The following SOX5 variants were observed in gnomAD, a reference collection of about 807,000 sequenced individuals.
SOX5 encodes the protein transcription factor SOX-5.
SOX5 carries 9 observed loss-of-function variants against 92.0 expected under a neutral mutation model. The observed-to-expected ratio is 0.10, with a 90% CI of 0.06 to 0.17. The LOEUF (loss-of-function observed/expected upper bound fraction) is 0.17. SOX5 is among the 10% of genes least tolerant of loss of function. The probability of loss-of-function intolerance (pLI) is 1.00; values close to 1 mark genes in which losing one functional copy is unlikely to be tolerated. For synonymous variants in SOX5, 344 were observed against 336.3 expected, an observed-to-expected ratio of 1.02 and a Z score of -0.25; for missense variants, 642 against 944.5, an observed-to-expected ratio of 0.68 and a Z score of 4.20.
At chr12:23,630,833 T>C (rs2078437869) in intron 8 of SOX5, among the ~76,000 whole-genome samples, 1 of 152,148 alleles carries the variant, frequency 6.6e-6, no homozygotes, top group African/African-American at 2.4e-5. Context: ...ATAACCATTA[T>C]GTTATACTGC....
intron 4 of SOX5, among the ~76,000 whole-genome samples, chr12:24,108,152 TTA>T (rs1254045823): frequency 1.3e-5 from 2 of 152,190 alleles, no homozygotes; most frequent in African/African-American, 4.8e-5. Context: ...TTGCATTACA[TTA>T]TCTTTTGCCT....
intron 1 of SOX5, among the ~76,000 whole-genome samples, chr12:24,489,551 A>ATAAGGCC (rs1485603537): frequency 2.6e-5 from 4 of 152,128 alleles, no homozygotes; most frequent in Admixed American, 6.5e-5. Context: ...AGAGAAGGAG[A>ATAAGGCC]TAAGGCCTAC....
At chr12:23,596,490 G>A (rs1952479038) in intron 9 of SOX5, among the ~76,000 whole-genome samples, 1 of 152,080 alleles carries the variant, frequency 6.6e-6, no homozygotes, top group South Asian at 2.1e-4. Context: ...ATACAGAGAG[G>A]GAACCAACTC....
At position 23,660,474 on chromosome 12, in the gene SOX5, A is replaced by G. The variant is rs548229629; in HGVS notation, c.931+4970T>C. ...AAGTCCAGGCTCTCTCCTTCAAAGTACCTCTCTATTTGCAGTTGCCTATTT... is the reference window on the plus strand; with the variant it reads ...AAGTCCAGGCTCTCTCCTTCAAAGTGCCTCTCTATTTGCAGTTGCCTATTT... On this transcript the variant is annotated intron_variant, in intron 7 of 14. Coordinates refer to ENST00000451604, the MANE Select transcript of SOX5 (RefSeq NM_006940.6). Among the ~76,000 whole-genome samples the G allele has an allele frequency of 2.6e-5, 4 of 152,288 alleles. No homozygotes were observed. In the South Asian group the frequency reaches 6.2e-4, roughly 24 times the overall value.
At chr12:23,614,470 C>T (rs1252363600) in intron 8 of SOX5, among the ~76,000 whole-genome samples, 3 of 152,198 alleles carry the variant, frequency 2.0e-5, no homozygotes, top group Non-Finnish European at 4.4e-5. Context: ...TTTGAACTCT[C>T]TCCAAGGTGC....
chr12:24,272,499 T>C (rs533518878), intron 3 of SOX5, among the ~76,000 whole-genome samples: 1 of 152,310 alleles, frequency 6.6e-6, no homozygotes, highest in Non-Finnish European at 1.5e-5. Flanking sequence ...GATTTATCTT[T>C]GCTGTATGTA....
At chr12:24,417,059 A>G (rs983495776) in intron 1 of SOX5, among the ~76,000 whole-genome samples, 1 of 152,082 alleles carries the variant, frequency 6.6e-6, no homozygotes, top group African/African-American at 2.4e-5. Flanking sequence ...CACCCCAAAC[A>G]TTGTTGCAAC....
At chr12:24,283,118 A>C (rs1267115438) in intron 2 of SOX5, among the ~76,000 whole-genome samples, 2 of 152,254 alleles carry the variant, frequency 1.3e-5, no homozygotes, top group African/African-American at 4.8e-5. Context: ...ACAGAAAAAC[A>C]CTTTGTGATC....
At chr12:24,011,198 A>C (rs757864223) in intron 4 of SOX5, among the ~76,000 whole-genome samples, 2 of 151,582 alleles carry the variant, frequency 1.3e-5, no homozygotes, top group Non-Finnish European at 3.0e-5. Flanking sequence ...TTTGCAGATT[A>C]TCTACAATTA....
intron 13 of SOX5, among the ~76,000 whole-genome samples, chr12:23,541,965 T>C (rs1480181143): frequency 6.6e-6 from 1 of 152,070 alleles, no homozygotes; most frequent in Non-Finnish European, 1.5e-5. Flanking sequence ...CAAAAGTTAG[T>C]TGGGCATGGT....
At position 23,841,993 on chromosome 12, in the gene SOX5, A is replaced by G. The variant is rs938054251; in HGVS notation, c.481+3990T>C. On this transcript the variant is annotated intron_variant, in intron 3 of 14. Coordinates refer to ENST00000451604, the MANE Select transcript of SOX5 (RefSeq NM_006940.6). ...TAAGCAAAATTTTAAAAAATCATAG[A>G]GGAGTGTGAGGGACACCAGTAAAGA... 2.0e-5 allele frequency among the ~76,000 whole-genome samples: 3 copies of G among 152,130 alleles called. No individual in the cohort carries two copies. In the East Asian group the frequency reaches 5.8e-4, roughly 29 times the overall value.
chr12:23,635,900 T>A (rs1212344162), intron 8 of SOX5, among the ~76,000 whole-genome samples: 1 of 151,974 alleles, frequency 6.6e-6, no homozygotes, highest in African/African-American at 2.4e-5. Context: ...AATGAATAAA[T>A]TTATGGGGAA....
At chr12:23,687,389 G>T (rs956812448) in intron 6 of SOX5, among the ~76,000 whole-genome samples, 1 of 151,798 alleles carries the variant, frequency 6.6e-6, no homozygotes, top group Admixed American at 6.6e-5. Flanking sequence ...TGATACACAC[G>T]CACGATATTA....
intron 2 of SOX5, among the ~76,000 whole-genome samples, chr12:24,292,976 T>C (rs1287577691): frequency 1.3e-5 from 2 of 152,178 alleles, no homozygotes; most frequent in South Asian, 2.1e-4. Flanking sequence ...ATTTCCATGA[T>C]GGAATGGCTA....
At chr12:24,077,239 A>C (rs1334725063) in intron 4 of SOX5, among the ~76,000 whole-genome samples, 1 of 152,118 alleles carries the variant, frequency 6.6e-6, no homozygotes, top group Non-Finnish European at 1.5e-5. Context: ...TCTATGTGTA[A>C]CCAAGACTGA....
At chr12:23,622,798 A>G (rs1359427677) in intron 8 of SOX5, among the ~76,000 whole-genome samples, 1 of 152,166 alleles carries the variant, frequency 6.6e-6, no homozygotes. Context: ...TTGACAGAAA[A>G]TCAGAGATAT....
chr12:24,511,537 A>G (rs950615533), intron 1 of SOX5, among the ~76,000 whole-genome samples: 10 of 152,258 alleles, frequency 6.6e-5, no homozygotes, highest in Non-Finnish European at 1.2e-4. Context: ...GATGAATTCA[A>G]TAAACATTTA....
chr12:24,490,626 T>C (rs1946965495), intron 1 of SOX5, among the ~76,000 whole-genome samples: 1 of 152,166 alleles, frequency 6.6e-6, no homozygotes, highest in Admixed American at 6.5e-5. Flanking sequence ...TCACAGTTTC[T>C]TTTGGAATGC....
chr12:24,405,715 C>T (rs913814715), intron 1 of SOX5, among the ~76,000 whole-genome samples: 4 of 152,058 alleles, frequency 2.6e-5, no homozygotes, highest in Non-Finnish European at 5.9e-5. Context: ...AATGACAGAT[C>T]GGGAGATTCA....
Sources: gnomAD v4.1 joint callset for allele counts (sites outside exome capture counted in the v4.1 genomes callset) on GRCh38, gnomAD v4.1.1 for gene constraint, MANE v1.5 for transcripts, NCBI Gene and HGNC (gene_info 2026-07-23, HGNC 2026-07-21) for gene names.